The following LRRC61 variants were observed in gnomAD, a reference collection of about 807,000 sequenced individuals.
LRRC61 encodes leucine rich repeat containing 61, also known as leucine-rich repeat-containing protein 61.
In LRRC61, 9 loss-of-function variants were observed where a neutral mutation model predicts 15.1. That is an observed-to-expected ratio of 0.60 (90% CI 0.36 to 1.04). The LOEUF (loss-of-function observed/expected upper bound fraction) is 1.04. LRRC61 is among the 50% of genes least tolerant of loss of function. The probability of loss-of-function intolerance (pLI) is 0.01; values close to 1 mark genes in which losing one functional copy is unlikely to be tolerated. For missense variants in LRRC61, 344 were observed against 335.6 expected, an observed-to-expected ratio of 1.03 and a Z score of -0.20; for synonymous variants, 173 against 158.6, an observed-to-expected ratio of 1.09 and a Z score of -0.68.
chr7:150,316,480 G>GTT, the LRRC61 span, among the ~76,000 whole-genome samples: 6 of 131,730 alleles, frequency 4.6e-5, 1 homozygote, highest in Non-Finnish European at 7.9e-5. Flanking sequence ...TTAGAATCTG[G>GTT]TTATTTTTTT....
the LRRC61 span, among the ~76,000 whole-genome samples, chr7:150,311,166 T>C: frequency 6.6e-6 from 1 of 152,138 alleles, no homozygotes; most frequent in Admixed American, 6.5e-5. Context: ...TCCCCATTCT[T>C]CCTTTCATTC....
the LRRC61 span, among the ~76,000 whole-genome samples, chr7:150,318,032 T>C: frequency 3.3e-5 from 5 of 152,176 alleles, no homozygotes; most frequent in Non-Finnish European, 7.4e-5. Context: ...AATGGGGATT[T>C]CCTCTCAATG....
chr7:150,337,251 A>G lies in LRRC61; in HGVS notation c.390A>G (p.Arg130=). Residue 130 remains arginine (R), a synonymous_variant, in exon 3 of 3, where the codon CGA becomes CGG. Transcript: ENST00000359623. ...CGTGCCTGGAGTACCTGCGGCTCCG[A>G]GACCCTTTGGCCCGGCTCAGCAACC... The part of the protein sequence containing the change: ...GLPCLEYLRL[R]DPLARLSNPL... 2 of 1,603,938 alleles carry G rather than the reference A, an allele frequency of 1.2e-6. No homozygotes were observed. Among genetic ancestry groups the G allele is most frequent in the Non-Finnish European group, 1.7e-6 (2 of 1,179,916 alleles).
At chr7:150,327,002 G>T (rs1441337363) in intron 2 of LRRC61, among the ~76,000 whole-genome samples, 2 of 152,186 alleles carry the variant, frequency 1.3e-5, no homozygotes, top group African/African-American at 4.8e-5. Flanking sequence ...GCTGGGAGGA[G>T]CTCCTCTTTC....
Position 150,333,402 on chromosome 7 carries a change from G to C in LRRC61, c.-144-3316G>C, listed in dbSNP as rs1798176502. 6.6e-6 allele frequency among the ~76,000 whole-genome samples: 1 copy of C among 152,228 alleles called. No individual in the cohort carries two copies. Among genetic ancestry groups the C allele is most frequent in the Non-Finnish European group, 1.5e-5 (1 of 68,042 alleles). On this transcript the variant is annotated intron_variant, in intron 2 of 2. Transcript: ENST00000359623. This position sits in a 1 kb window ranked among gnomAD's most constrained non-coding sequence, Gnocchi z 4.3. ...GGGATGCTGCTCAGCACCCTCCAAT[G>C]TGCAGGACGGCCTCCACAACCAAGG...
chr7:150,309,743 G>T, the LRRC61 span, among the ~76,000 whole-genome samples: 1 of 152,202 alleles, frequency 6.6e-6, no homozygotes, highest in Non-Finnish European at 1.5e-5. Flanking sequence ...TAATATCACA[G>T]CCACTTCTAG....
chr7:150,330,582 T>G lies in LRRC61; in HGVS notation c.-145+4572T>G. 1.3e-6 allele frequency: 1 copy of G among 794,104 alleles called. No individual in the cohort carries two copies. 49.2% of individuals were successfully genotyped at this position (794,104 alleles called of 1,614,324 possible). A position where few individuals can be genotyped will look rare whatever the true frequency, so the allele number is the denominator to read the frequency against. On this transcript the variant is annotated intron_variant, in intron 2 of 2. Coordinates refer to ENST00000359623, the MANE Select transcript of LRRC61 (RefSeq NM_001142928.2). The surrounding 1 kb of genome is among the most constrained non-coding windows in gnomAD (Gnocchi z 4.6). ...GTTGGCCCGGCAGCTCTGCACCGAC[T>G]GTCAGCTCAACAAGCTCTTCTACCG...
At chr7:150,327,819 C>A (rs74534448) in intron 2 of LRRC61, among the ~76,000 whole-genome samples, 170 of 136,840 alleles carry the variant, frequency 1.2e-3, no homozygotes, top group South Asian at 1.7e-3. Flanking sequence ...GACCTTGTCT[C>A]AAAAAAAAAA....
In LRRC61 at chr7:150,337,035, G is replaced by A. The variant is rs1428898718; in HGVS notation, c.174G>A (p.Leu58=). ...GAGAGTGCCTGGGCCTGGAGTGGCT[G>A]GACCTATCAGGCAACGCGCTCACCC... is the stretch of plus-strand genomic sequence containing the variant. The part of the protein sequence containing the change: ...CLGECLGLEW[L]DLSGNALTHL... The change falls in exon 3 of 3, where the codon CTG becomes CTA. Residue 58 remains leucine, a synonymous_variant. Coordinates refer to ENST00000359623, the MANE Select transcript of LRRC61 (RefSeq NM_001142928.2). The A allele has an allele frequency of 1.2e-6, 2 of 1,613,496 alleles. No homozygotes were observed. The highest frequency in any genetic ancestry group is 1.7e-6 in the Non-Finnish European group (2 of 1,180,040).
At chr7:150,332,437 C>G (rs532163370) in intron 2 of LRRC61, 7 of 167,252 alleles carry the variant, frequency 4.2e-5, no homozygotes, top group East Asian at 1.9e-4. Context: ...AGACTCTGCT[C>G]TCACTGGCTG....
intron 2 of LRRC61, chr7:150,329,682 G>A (rs1203671150): frequency 6.6e-6 from 1 of 152,250 alleles, no homozygotes; most frequent in Non-Finnish European, 1.5e-5. Flanking sequence ...CTCCAGCATG[G>A]GAAATATTAT....
intron 1 of LRRC61, among the ~76,000 whole-genome samples, chr7:150,324,797 A>G (rs1797891355): frequency 6.6e-6 from 1 of 152,024 alleles, no homozygotes; most frequent in Admixed American, 6.6e-5. Flanking sequence ...GACAGAGCCA[A>G]GCCTTTTCCC....
rs767746585 is a variant in LRRC61, at chr7:150,337,323, G to A, written c.462G>A (p.Leu154=). ...ACTGGGCTGCAGTCCGGGAGCTGCT[G>A]CCTGGCCTGAAAGTCATCGACGGTG... ...PSYWAAVREL[L]PGLKVIDGER... The change falls in exon 3 of 3, where the codon CTG becomes CTA. Residue 154 remains leucine (L), a synonymous_variant. Transcript: ENST00000359623. The A allele has an allele frequency of 1.1e-5, 18 of 1,603,794 alleles. No individual in the cohort carries two copies. The East Asian group carries it at 3.1e-4, about 28-fold the overall frequency.
At chr7:150,313,558 G>A in the LRRC61 span, among the ~76,000 whole-genome samples, 7 of 152,124 alleles carry the variant, frequency 4.6e-5, no homozygotes, top group African/African-American at 7.2e-5. Flanking sequence ...TGTTAATTCC[G>A]GTTAGCTCTT....
At chr7:150,312,096 G>C in the LRRC61 span, among the ~76,000 whole-genome samples, 1 of 152,092 alleles carries the variant, frequency 6.6e-6, no homozygotes, top group African/African-American at 2.4e-5. Flanking sequence ...AAATGCCTAC[G>C]CCAACAAAAT....
the LRRC61 span, among the ~76,000 whole-genome samples, chr7:150,310,090 ACC>A: frequency 6.6e-6 from 1 of 152,024 alleles, no homozygotes; most frequent in Non-Finnish European, 1.5e-5. Context: ...AGTTATCCCC[ACC>A]TGCCCAGTTC....
upstream of LRRC61, among the ~76,000 whole-genome samples, chr7:150,320,711 C>T (rs898012303): frequency 1.3e-5 from 2 of 152,164 alleles, no homozygotes; most frequent in African/African-American, 2.4e-5. Context: ...TGCAGTGAGC[C>T]GAGATGGTGG....
chr7:150,330,947 C>T lies in LRRC61; in HGVS notation c.-145+4937C>T, dbSNP rs146755949. 1,570 of 1,612,062 alleles carry T rather than the reference C, an allele frequency of 9.7e-4. 16 individuals are homozygous for T. The African/African-American group carries it at 0.018, about 18-fold the overall frequency. ...TGGGGCTGCTGGCCTCTGAGAGAAG[C>T]GGGGGCTCGCTGTCCACCAAGAGCC... is the stretch of plus-strand genomic sequence containing the variant. On this transcript the variant is annotated intron_variant, in intron 2 of 2. Coordinates refer to ENST00000359623, the MANE Select transcript of LRRC61 (RefSeq NM_001142928.2). This position sits in a 1 kb window ranked among gnomAD's most constrained non-coding sequence, Gnocchi z 4.6.
In LRRC61 at chr7:150,330,986, C is replaced by T. The variant is rs751554724; in HGVS notation, c.-145+4976C>T. ...CCACCAAGAGCCACTGGGCCAGCATCATTGTCAAGAAGTATCTGTGGGAGA... is the reference window on the plus strand; with the variant it reads ...CCACCAAGAGCCACTGGGCCAGCATTATTGTCAAGAAGTATCTGTGGGAGA... On this transcript the variant is annotated intron_variant, in intron 2 of 2. Transcript: ENST00000359623. The surrounding 1 kb of genome is among the most constrained non-coding windows in gnomAD (Gnocchi z 4.6). 47 of 1,611,886 alleles carry T rather than the reference C, an allele frequency of 2.9e-5. No individual in the cohort carries two copies. The highest frequency in any genetic ancestry group is 4.0e-5 in the Non-Finnish European group (47 of 1,179,996).
Sources: allele counts gnomAD v4.1 joint callset (sites outside exome capture counted in the v4.1 genomes callset), GRCh38; gene constraint gnomAD v4.1.1; non-coding constraint Gnocchi (gnomAD v3.1); transcripts MANE v1.5; gene names NCBI Gene and HGNC (gene_info 2026-07-23, HGNC 2026-07-21).